The following VPS13B variants were observed in gnomAD, a reference collection of about 807,000 sequenced individuals.
VPS13B encodes vacuolar protein sorting 13 homolog B, also known as intermembrane lipid transfer protein VPS13B.
Under a neutral mutation model 426.4 loss-of-function variants are expected in VPS13B, and 285 were observed. That is an observed-to-expected ratio of 0.67 (90% CI 0.61 to 0.74). VPS13B has a LOEUF of 0.74. VPS13B is among the 30% of genes least tolerant of loss of function. VPS13B has a pLI of 0.00. For missense variants in VPS13B, 4,537 were observed against 4,782.6 expected, an observed-to-expected ratio of 0.95 and a Z score of 1.51; for synonymous variants, 1,676 against 1,676.4, an observed-to-expected ratio of 1.00 and a Z score of 0.01.
intron 45 of VPS13B, 92 bp downstream of exon 45, chr8:99,817,895 A>G: frequency 6.3e-7 from 1 of 1,587,480 alleles, no homozygotes; most frequent in African/African-American, 1.4e-5. Flanking sequence ...AATTTATTAA[A>G]AAGTGACATA....
chr8:99,095,720 AG>A (rs1588030027), intron 3 of VPS13B, among the ~76,000 whole-genome samples: 1 of 152,318 alleles, frequency 6.6e-6, no homozygotes, highest in East Asian at 1.9e-4. Context: ...TTATAAATAC[AG>A]GGATAAATTT....
intron 33 of VPS13B, among the ~76,000 whole-genome samples, chr8:99,596,172 A>G (rs1827002139): frequency 6.6e-6 from 1 of 151,960 alleles, no homozygotes. Flanking sequence ...ATCTTCTCTG[A>G]AAAGAATTTT....
intron 15 of VPS13B, among the ~76,000 whole-genome samples, chr8:99,159,600 G>A (rs1336703183): frequency 3.3e-5 from 5 of 152,122 alleles, no homozygotes; most frequent in Admixed American, 1.3e-4. Context: ...GAACATCAAG[G>A]CAAAAAGGTT....
chr8:99,050,163 T>A (rs1370223555), intron 3 of VPS13B, among the ~76,000 whole-genome samples: 1 of 152,114 alleles, frequency 6.6e-6, no homozygotes, highest in Non-Finnish European at 1.5e-5. Flanking sequence ...TAGGTATATC[T>A]CCTAATGCTA....
At chr8:99,259,834 G>A (rs1045118566) in intron 17 of VPS13B, among the ~76,000 whole-genome samples, 1 of 152,088 alleles carries the variant, frequency 6.6e-6, no homozygotes, top group African/African-American at 2.4e-5. Flanking sequence ...CTTATGAAAT[G>A]TAAACTCATA....
intron 17 of VPS13B, among the ~76,000 whole-genome samples, chr8:99,200,220 CAT>C (rs1402742250): frequency 6.6e-6 from 1 of 152,196 alleles, no homozygotes; most frequent in Non-Finnish European, 1.5e-5. Flanking sequence ...CATATTATAG[CAT>C]ATGTCGGTGC....
At chr8:99,809,319 G>T in intron 43 of VPS13B, 56 bp from the exon 44 acceptor site, 2 of 1,608,916 alleles carry the variant, frequency 1.2e-6, no homozygotes, top group South Asian at 2.2e-5. Flanking sequence ...TTCATTTTAG[G>T]ACTAGGTTTT....
Position 99,823,854 on chromosome 8 carries a change from C to T in VPS13B, c.9206C>T (p.Ser3069Phe), listed in dbSNP as rs1814517169. ...HQKLCQFCIS[S>F]MVQQGIQIIQ... ...TAGTTATGTCAGTTCTGCATTTCCT[C>T]CATGGTACAGCAAGGTATACAAATT... is the stretch of plus-strand genomic sequence containing the variant. Residue 3069 changes from serine (S) to phenylalanine (F), a missense_variant, in exon 51 of 62, where the codon TCC (serine) becomes TTC (phenylalanine). This residue lies in a region of VPS13B where 4,311 missense variants were observed against 4,474.3 expected (regional missense o/e 0.96). Coordinates refer to ENST00000357162, the MANE Select transcript of VPS13B (RefSeq NM_152564.5). 1.2e-6 allele frequency: 2 copies of T among 1,613,602 alleles called. No individual in the cohort carries two copies. The highest frequency in any genetic ancestry group is 1.7e-6 in the Non-Finnish European group (2 of 1,179,848).
chr8:99,288,905 C>T (rs962145114), intron 19 of VPS13B, among the ~76,000 whole-genome samples: 1 of 151,914 alleles, frequency 6.6e-6, no homozygotes, highest in African/African-American at 2.4e-5. Flanking sequence ...CATAGTTAAA[C>T]TCCAAGTTCA....
intron 22 of VPS13B, among the ~76,000 whole-genome samples, chr8:99,435,863 G>A (rs1282919753): frequency 6.6e-6 from 1 of 152,146 alleles, no homozygotes; most frequent in Non-Finnish European, 1.5e-5. Flanking sequence ...TATTTGAAAT[G>A]TATGTGAGAC....
intron 57 of VPS13B, 89 bp downstream of exon 57, chr8:99,859,569 A>C: frequency 6.5e-7 from 1 of 1,532,626 alleles, no homozygotes; most frequent in Non-Finnish European, 8.8e-7. Context: ...AAATGCATTC[A>C]GATTGCCTCT....
rs1819703867 is a variant in VPS13B, at chr8:99,476,608, G to A, written c.3667-4991G>A. ...CATGTATGATACCTTACGTTCAGGG[G>A]AACCAAGATTTGATTAACAGCTTAC... On this transcript the variant is annotated intron_variant, in intron 24 of 61. Coordinates refer to ENST00000357162, the MANE Select transcript of VPS13B (RefSeq NM_152564.5). 3.3e-5 allele frequency among the ~76,000 whole-genome samples: 5 copies of A among 152,032 alleles called. No homozygotes were observed. The South Asian group carries it at 1.0e-3, about 32-fold the overall frequency.
chr8:99,308,822 C>T (rs1193525506), intron 19 of VPS13B, among the ~76,000 whole-genome samples: 3 of 152,114 alleles, frequency 2.0e-5, no homozygotes, highest in Non-Finnish European at 2.9e-5. Flanking sequence ...TCCTATTTCT[C>T]CACATCCTCT....
chr8:99,121,753 A>G (rs569711865), intron 8 of VPS13B: 2 of 420,662 alleles, frequency 4.8e-6, no homozygotes, highest in South Asian at 1.8e-4. Context: ...AAAGAAAGGA[A>G]CAGCAAAAAT....
chr8:99,156,523 A>G, intron 14 of VPS13B, 26 bp from the exon 15 acceptor site: 1 of 1,612,418 alleles, frequency 6.2e-7, no homozygotes, highest in Non-Finnish European at 8.5e-7. Flanking sequence ...CTTTTAAAAT[A>G]TAAAGCGAAC....
intron 31 of VPS13B, among the ~76,000 whole-genome samples, chr8:99,567,138 C>T (rs1379585157): frequency 6.6e-6 from 1 of 152,188 alleles, no homozygotes; most frequent in African/African-American, 2.4e-5. Context: ...TCTAAATCCT[C>T]AACACAGTTT....
intron 30 of VPS13B, 64 bp downstream of exon 30, chr8:99,521,074 C>T: frequency 7.7e-7 from 1 of 1,294,208 alleles, no homozygotes; most frequent in Non-Finnish European, 1.1e-6. Context: ...ATATAGTGGT[C>T]AATAACTTAG....
chr8:99,635,274 TCA>T (rs1325845658), intron 33 of VPS13B, among the ~76,000 whole-genome samples: 2 of 152,002 alleles, frequency 1.3e-5, no homozygotes, highest in African/African-American at 4.8e-5. Flanking sequence ...AGGATGAAGA[TCA>T]CAGTTATATA....
chr8:99,545,412 C>CTAA (rs1354176353), intron 30 of VPS13B, among the ~76,000 whole-genome samples: 1 of 152,084 alleles, frequency 6.6e-6, no homozygotes, highest in Non-Finnish European at 1.5e-5. Flanking sequence ...ACTACTGTAA[C>CTAA]TAATACAGTA....
Sources: allele counts gnomAD v4.1 joint callset (sites outside exome capture counted in the v4.1 genomes callset), GRCh38; gene constraint gnomAD v4.1.1; regional missense constraint gnomAD v4.1.1; transcripts MANE v1.5; gene names NCBI Gene and HGNC (gene_info 2026-07-23, HGNC 2026-07-21).